Variants in FAM227B observed in about 807,000 individuals in gnomAD.
FAM227B encodes the protein protein FAM227B.
A neutral mutation model predicts 73.8 loss-of-function variants in FAM227B; 88 were observed. That is an observed-to-expected ratio of 1.19 (90% CI 1.00 to 1.42). The LOEUF (loss-of-function observed/expected upper bound fraction) is 1.42. Among genes scored for constraint, FAM227B ranks in the 40% most tolerant of loss-of-function variants. The pLI is 0.00. For missense variants in FAM227B, 632 were observed against 590.9 expected, an observed-to-expected ratio of 1.07 and a Z score of -0.72; for synonymous variants, 210 against 190.5, an observed-to-expected ratio of 1.10 and a Z score of -0.84.
At chr15:49,532,476 T>A (rs2060682702) in intron 10 of FAM227B, among the ~76,000 whole-genome samples, 1 of 151,782 alleles carries the variant, frequency 6.6e-6, no homozygotes, top group Non-Finnish European at 1.5e-5. Flanking sequence ...ACAAGCAAAA[T>A]TAATGACAAA....
chr15:49,371,693 CA>C (rs1191889349), intron 11 of FAM227B, among the ~76,000 whole-genome samples: 6 of 146,944 alleles, frequency 4.1e-5, no homozygotes, highest in Non-Finnish European at 7.5e-5. Flanking sequence ...AAATAAAATT[CA>C]CTTATAAATA....
chr15:49,603,939 A>G (rs2077357119), intron 3 of FAM227B, among the ~76,000 whole-genome samples: 1 of 152,180 alleles, frequency 6.6e-6, no homozygotes, highest in African/African-American at 2.4e-5. Context: ...TTCTGTTGAT[A>G]TGACATATCA....
chr15:49,504,599 A>G (rs935791404), intron 11 of FAM227B, among the ~76,000 whole-genome samples: 1 of 152,018 alleles, frequency 6.6e-6, no homozygotes, highest in Admixed American at 6.6e-5. Flanking sequence ...TGTGCATGTT[A>G]AAGTTTAAAA....
intron 12 of FAM227B, among the ~76,000 whole-genome samples, chr15:49,368,098 AC>A (rs1182942380): frequency 6.6e-6 from 1 of 152,078 alleles, no homozygotes; most frequent in Non-Finnish European, 1.5e-5. Context: ...ATATAGGGGA[AC>A]TTTAAAAGGA....
chr15:49,395,863 ATCTC>A (rs2047549984), intron 11 of FAM227B: 1 of 447,180 alleles, frequency 2.2e-6, no homozygotes, highest in Admixed American at 2.5e-5. Context: ...ATAGAATTGA[ATCTC>A]TCTAAATTTT....
intron 11 of FAM227B, among the ~76,000 whole-genome samples, chr15:49,441,543 G>A (rs2051644035): frequency 6.6e-6 from 1 of 151,516 alleles, no homozygotes; most frequent in East Asian, 1.9e-4. Context: ...CAGACAAAGT[G>A]GGACACAAAG....
intron 11 of FAM227B, among the ~76,000 whole-genome samples, chr15:49,427,956 T>A (rs972110372): frequency 2.0e-5 from 3 of 152,036 alleles, no homozygotes; most frequent in African/African-American, 7.2e-5. Context: ...GTCACTTACT[T>A]TAGTCTTACC....
chr15:49,612,189 C>T (rs1411377767), intron 2 of FAM227B, among the ~76,000 whole-genome samples: 2 of 151,844 alleles, frequency 1.3e-5, no homozygotes, highest in African/African-American at 2.4e-5. Context: ...TGTGCTGCAC[C>T]CATTAACTCG....
intron 14 of FAM227B, among the ~76,000 whole-genome samples, chr15:49,332,894 G>C (rs2039051760): frequency 6.6e-6 from 1 of 152,088 alleles, no homozygotes; most frequent in Non-Finnish European, 1.5e-5. Flanking sequence ...TCTGTGACTG[G>C]TACATGCCCC....
chr15:49,395,241 TA>T (rs2047495458), intron 11 of FAM227B, among the ~76,000 whole-genome samples: 1 of 152,154 alleles, frequency 6.6e-6, no homozygotes, highest in Admixed American at 6.5e-5. Flanking sequence ...TCAACTTTTC[TA>T]GGGGGTTTTA....
At chr15:49,408,826 TGTG>T (rs1436129505) in intron 11 of FAM227B, among the ~76,000 whole-genome samples, 1 of 151,910 alleles carries the variant, frequency 6.6e-6, no homozygotes, top group African/African-American at 2.4e-5. Flanking sequence ...CATGTGTTGT[TGTG>T]GTGGTTTTTT....
chr15:49,396,169 C>T, intron 11 of FAM227B: 2 of 352,368 alleles, frequency 5.7e-6, no homozygotes, highest in East Asian at 8.3e-5. Flanking sequence ...CAGGGCGAGG[C>T]ATTGCCTCAC....
chr15:49,398,434 A>T (rs1429091780), intron 11 of FAM227B, among the ~76,000 whole-genome samples: 1 of 129,484 alleles, frequency 7.7e-6, no homozygotes, highest in Non-Finnish European at 1.6e-5. Context: ...CATTAGACAG[A>T]TCAACGAGAC....
At chr15:49,396,353 C>T (rs931737627) in intron 11 of FAM227B, 12 of 288,246 alleles carry the variant, frequency 4.2e-5, no homozygotes, top group South Asian at 2.3e-4. Flanking sequence ...CCTACGCCCA[C>T]GGAGTCTCGC....
At chr15:49,496,368 G>C (rs1486604857) in intron 11 of FAM227B, among the ~76,000 whole-genome samples, 1 of 152,150 alleles carries the variant, frequency 6.6e-6, no homozygotes, top group African/African-American at 2.4e-5. Context: ...ACTGAATTTA[G>C]AAATTGGGGG....
chr15:49,523,526 T>C (rs778085750), intron 10 of FAM227B, among the ~76,000 whole-genome samples: 1 of 152,198 alleles, frequency 6.6e-6, no homozygotes, highest in Non-Finnish European at 1.5e-5. Context: ...CCCAGTCTCG[T>C]GTATGTCTTT....
intron 13 of FAM227B, among the ~76,000 whole-genome samples, chr15:49,337,117 A>G (rs929019629): frequency 6.6e-6 from 1 of 152,126 alleles, no homozygotes; most frequent in Non-Finnish European, 1.5e-5. Context: ...CGTTGATTCC[A>G]TGTCTTTGCT....
intron 9 of FAM227B, among the ~76,000 whole-genome samples, chr15:49,551,310 T>A (rs891052567): frequency 6.6e-6 from 1 of 152,150 alleles, no homozygotes; most frequent in African/African-American, 2.4e-5. Flanking sequence ...TATTTTTAAA[T>A]TGTTATATCC....
At chr15:49,572,076 T>C (rs1258425313) in intron 8 of FAM227B, among the ~76,000 whole-genome samples, 1 of 152,076 alleles carries the variant, frequency 6.6e-6, no homozygotes, top group East Asian at 1.9e-4. Context: ...CTTGGTTAAG[T>C]TTAAATCTAA....
Sources: gnomAD v4.1 joint callset for allele counts (sites outside exome capture counted in the v4.1 genomes callset) on GRCh38, gnomAD v4.1.1 for gene constraint, MANE v1.5 for transcripts, NCBI Gene and HGNC (gene_info 2026-07-23, HGNC 2026-07-21) for gene names.